HCRTR2: variants seen among roughly 807,000 people sequenced by gnomAD.
HCRTR2 encodes hypocretin receptor 2, also known as orexin receptor type 2.
HCRTR2 carries 22 observed loss-of-function variants against 49.0 expected under a neutral mutation model. The observed-to-expected ratio is 0.45, with a 90% CI of 0.32 to 0.64. HCRTR2 has a LOEUF of 0.64. HCRTR2 is among the 30% of genes least tolerant of loss of function. The pLI is 0.04. For missense variants in HCRTR2, 491 were observed against 559.4 expected (o/e 0.88, Z 1.23); for synonymous variants, 236 against 205.3 (o/e 1.15, Z -1.28).
At chr6:55,190,088 A>G (rs1159252617) in intron 1 of HCRTR2, among the ~76,000 whole-genome samples, 2 of 152,044 alleles carry the variant, frequency 1.3e-5, no homozygotes, top group Non-Finnish European at 2.9e-5. Context: ...GTTTTAGAAA[A>G]TGTCTTCTGG....
intron 1 of HCRTR2, among the ~76,000 whole-genome samples, chr6:55,137,657 A>G (rs1334191592): frequency 6.6e-6 from 1 of 152,094 alleles, no homozygotes; most frequent in Admixed American, 6.6e-5. Flanking sequence ...ATTTAGTGGA[A>G]AAAGAGTGAT....
At chr6:55,209,826 G>T (rs1302890439) in intron 1 of HCRTR2, among the ~76,000 whole-genome samples, 1 of 151,906 alleles carries the variant, frequency 6.6e-6, no homozygotes, top group African/African-American at 2.4e-5. Context: ...TTTTGTTTCA[G>T]GTTGTTTAAT....
chr6:55,171,127 T>A (rs945338277), upstream of HCRTR2, among the ~76,000 whole-genome samples: 1 of 152,112 alleles, frequency 6.6e-6, no homozygotes, highest in Non-Finnish European at 1.5e-5. Context: ...AAATGGTATT[T>A]CTAGTTCTAG....
chr6:55,221,541 T>G (rs9396061), intron 1 of HCRTR2, among the ~76,000 whole-genome samples: 1 of 151,944 alleles, frequency 6.6e-6, no homozygotes, highest in Non-Finnish European at 1.5e-5. Flanking sequence ...GGGCCGGGCG[T>G]GGTGGCTCAC....
intron 1 of HCRTR2, among the ~76,000 whole-genome samples, chr6:55,187,518 A>T (rs1416469168): frequency 6.6e-6 from 1 of 151,424 alleles, no homozygotes; most frequent in Admixed American, 6.6e-5. Context: ...AACCAAATTT[A>T]TTAATATGTA....
In HCRTR2 at chr6:55,152,969, C is replaced by T. The variant is rs1018608946; in HGVS notation, c.-377-21242C>T. 5.3e-5 allele frequency among the ~76,000 whole-genome samples: 8 copies of T among 151,904 alleles called. No individual in the cohort carries two copies. In the South Asian group the frequency reaches 6.2e-4, roughly 12 times the overall value. On this transcript the variant is annotated intron_variant, in intron 1 of 7. Transcript: ENST00000615358. ...ATATCCAAGAAATCATCGCCAGAGC[C>T]AATGTTAAAGTTTTTCCCTGTGTGC...
chr6:55,247,668 C>T (rs1766472448), intron 1 of HCRTR2, among the ~76,000 whole-genome samples: 1 of 152,010 alleles, frequency 6.6e-6, no homozygotes, highest in Non-Finnish European at 1.5e-5. Context: ...TTATATACGT[C>T]AGACCGAAGG....
chr6:55,248,826 T>C lies in HCRTR2; in HGVS notation c.402+9T>C, dbSNP rs758723424. On this transcript the variant is annotated intron_variant, in intron 2 of 6. Transcript: ENST00000370862. ...TGATTCCTTATCTACAGGTAATTGT[T>C]TTTAATGCTTTTTTGAAGCTACTAA... 1.4e-5 allele frequency: 22 copies of C among 1,610,350 alleles called. No individual in the cohort carries two copies. The highest frequency in any genetic ancestry group is 2.7e-5 in the African/African-American group (2 of 74,918).
intron 1 of HCRTR2, among the ~76,000 whole-genome samples, chr6:55,132,471 G>C (rs1177262236): frequency 2.6e-5 from 4 of 151,916 alleles, no homozygotes; most frequent in African/African-American, 4.8e-5. Flanking sequence ...GACACACTAT[G>C]CATGCCAATC....
chr6:55,141,301 G>A (rs1262313911), intron 1 of HCRTR2, among the ~76,000 whole-genome samples: 2 of 151,924 alleles, frequency 1.3e-5, no homozygotes, highest in African/African-American at 2.4e-5. Context: ...CCGAGATTGC[G>A]CCACTGCACT....
chr6:55,144,320 T>G (rs371723426), intron 1 of HCRTR2, among the ~76,000 whole-genome samples: 1 of 151,976 alleles, frequency 6.6e-6, no homozygotes, highest in African/African-American at 2.4e-5. Flanking sequence ...TTCTCCACAT[T>G]GGTCAGACTG....
rs1765007376 is a variant in HCRTR2, at chr6:55,174,731, G to A, written c.144G>A (p.Leu48=). The change falls in exon 1 of 7, where the codon CTG becomes CTA. Residue 48 remains leucine, a synonymous_variant. Transcript: ENST00000370862. ...EFLRYLWREY[L]HPKEYEWVLI... ...TGCGGTACCTGTGGAGGGAATACCT[G>A]CACCCGAAAGAATATGAGTGGGTCC... The A allele has an allele frequency of 6.2e-7, 1 of 1,614,128 alleles. No homozygotes were observed. Among genetic ancestry groups the A allele is most frequent in the Non-Finnish European group, 8.5e-7 (1 of 1,180,020 alleles).
At position 55,240,174 on chromosome 6, in the gene HCRTR2, C is replaced by T. The variant is rs189886270; in HGVS notation, c.224-8465C>T. 1.2e-3 allele frequency among the ~76,000 whole-genome samples: 181 copies of T among 151,308 alleles called. 3 individuals are homozygous for T. The highest frequency in any genetic ancestry group is 0.011 in the Admixed American group (165 of 15,224). ...AGATCTAGACCATCCTGGCTAACAC[C>T]GTGAAACCCCGTCTCTACTAAAAAT... On this transcript the variant is annotated intron_variant, in intron 1 of 6. Coordinates refer to ENST00000370862, the MANE Select transcript of HCRTR2 (RefSeq NM_001384272.1).
At chr6:55,180,749 T>C (rs1765118254) in intron 1 of HCRTR2, among the ~76,000 whole-genome samples, 1 of 152,188 alleles carries the variant, frequency 6.6e-6, no homozygotes, top group Non-Finnish European at 1.5e-5. Flanking sequence ...ATAAATAGTA[T>C]TTATTTAAAC....
At chr6:55,259,378 A>G (rs973334237) in intron 3 of HCRTR2, among the ~76,000 whole-genome samples, 2 of 152,160 alleles carry the variant, frequency 1.3e-5, no homozygotes, top group Non-Finnish European at 2.9e-5. Flanking sequence ...CATATTAAAG[A>G]TTCAGGTAAA....
chr6:55,132,893 T>A (rs1412571827), intron 1 of HCRTR2, among the ~76,000 whole-genome samples: 1 of 151,756 alleles, frequency 6.6e-6, no homozygotes, highest in African/African-American at 2.4e-5. Context: ...GTTTTTTACA[T>A]AGACACCAGA....
chr6:55,231,624 A>T (rs1766116237), intron 1 of HCRTR2, among the ~76,000 whole-genome samples: 1 of 152,150 alleles, frequency 6.6e-6, no homozygotes, highest in Non-Finnish European at 1.5e-5. Flanking sequence ...CAGTTATTAT[A>T]AAGACCTACT....
chr6:55,277,258 G>C, intron 4 of HCRTR2, 122 bp from the exon 5 acceptor site: 1 of 778,856 alleles, frequency 1.3e-6, no homozygotes, highest in Non-Finnish European at 2.2e-6. Context: ...AGAAACAGGC[G>C]CTCAAACCTC....
At chr6:55,174,474 T>C (rs1764999098), upstream of HCRTR2, 2 of 894,856 alleles carry the variant, frequency 2.2e-6, no homozygotes, top group African/African-American at 3.3e-5. Context: ...CATTTTCTGC[T>C]CGGGAGCCCC....
Sources: allele counts gnomAD v4.1 joint callset (sites outside exome capture counted in the v4.1 genomes callset), GRCh38; gene constraint gnomAD v4.1.1; transcripts MANE v1.5; gene names NCBI Gene and HGNC (gene_info 2026-07-23, HGNC 2026-07-21).